Variants in GTF2E2 observed in about 807,000 individuals in gnomAD.
GTF2E2 encodes general transcription factor IIE subunit 2.
A neutral mutation model predicts 40.5 loss-of-function variants in GTF2E2; 21 were observed. The observed-to-expected ratio is 0.52, with a 90% confidence interval of 0.37 to 0.75. The LOEUF (loss-of-function observed/expected upper bound fraction) is 0.75, where lower values mean the gene tolerates loss of function less well. Among genes scored for constraint, GTF2E2 ranks in the 30% least tolerant of loss-of-function variants. GTF2E2 has a pLI of 0.00. For synonymous variants in GTF2E2, 117 were observed against 121.6 expected (o/e 0.96, Z 0.25); for missense variants, 298 against 338.4 (o/e 0.88, Z 0.94).
chr8:30,592,786 G>GATGC (rs1277541792), intron 6 of GTF2E2, among the ~76,000 whole-genome samples: 1 of 152,208 alleles, frequency 6.6e-6, no homozygotes, highest in East Asian at 1.9e-4. Context: ...TGAATCCACA[G>GATGC]ATGCAGAACC....
intron 3 of GTF2E2, among the ~76,000 whole-genome samples, chr8:30,617,209 C>T (rs908202718): frequency 6.6e-6 from 1 of 152,158 alleles, no homozygotes; most frequent in African/African-American, 2.4e-5. Context: ...AACTAAATAG[C>T]CACTTCGCCA....
chr8:30,595,828 AAAAAG>A (rs1828985558), intron 6 of GTF2E2, among the ~76,000 whole-genome samples: 1 of 152,302 alleles, frequency 6.6e-6, no homozygotes, highest in Non-Finnish European at 1.5e-5. Flanking sequence ...TCAGACAAGA[AAAAAG>A]AAAAGAAAGG....
chr8:30,653,742 T>G, intron 1 of GTF2E2, 140 bp from the exon 2 acceptor site: 1 of 627,554 alleles, frequency 1.6e-6, no homozygotes, highest in Middle Eastern at 3.6e-4. Flanking sequence ...TTTATTCACT[T>G]ATTCAAGTAC....
chr8:30,628,697 C>T (rs186354668), intron 3 of GTF2E2, among the ~76,000 whole-genome samples: 13 of 151,872 alleles, frequency 8.6e-5, no homozygotes, highest in Non-Finnish European at 1.9e-4. Flanking sequence ...TTTGAGAGGC[C>T]GAGGCAGGCA....
At chr8:30,618,269 C>CCTGAGCAACAGA (rs3837155) in intron 3 of GTF2E2, among the ~76,000 whole-genome samples, 2 of 145,834 alleles carry the variant, frequency 1.4e-5, no homozygotes, top group Non-Finnish European at 3.0e-5. Flanking sequence ...TGCACTCCAG[C>CCTGAGCAACAGA]GCAACACTCT....
In GTF2E2 at chr8:30,583,906, C is replaced by T. The variant is rs183750209; in HGVS notation, c.644-3510G>A. ...CTGCAAGCTCCACCTCCCGGGTTCA[C>T]GCCATTCTCCTGTCTCAGCCTCCCG... On this transcript the variant is annotated intron_variant, in intron 6 of 7. Coordinates refer to ENST00000355904, the MANE Select transcript of GTF2E2 (RefSeq NM_002095.6). 3.6e-4 allele frequency among the ~76,000 whole-genome samples: 55 copies of T among 151,898 alleles called. No homozygotes were observed. The East Asian group carries it at 9.1e-3, about 25-fold the overall frequency.
intron 3 of GTF2E2, among the ~76,000 whole-genome samples, chr8:30,631,775 T>A (rs1801443550): frequency 1.3e-5 from 2 of 152,126 alleles, no homozygotes; most frequent in Admixed American, 1.3e-4. Context: ...AGATCAGAGA[T>A]CAGAAGATGC....
intron 5 of GTF2E2, among the ~76,000 whole-genome samples, chr8:30,609,454 C>T (rs1829422485): frequency 6.6e-6 from 1 of 151,778 alleles, no homozygotes; most frequent in Non-Finnish European, 1.5e-5. Context: ...ATTGTACATA[C>T]ATAAAATAAA....
intron 2 of GTF2E2, among the ~76,000 whole-genome samples, chr8:30,640,794 G>A (rs775738420): frequency 2.6e-4 from 39 of 152,054 alleles, no homozygotes; most frequent in Non-Finnish European, 4.0e-4. Flanking sequence ...AACCTCTGCC[G>A]CCCAGGTTCA....
chr8:30,653,103 GA>G (rs1802338074), intron 2 of GTF2E2, among the ~76,000 whole-genome samples: 1 of 152,158 alleles, frequency 6.6e-6, no homozygotes, highest in Admixed American at 6.5e-5. Context: ...GGGGGTGATG[GA>G]AATGTTCTAA....
At position 30,650,217 on chromosome 8, in the gene GTF2E2, T is replaced by C. The variant is rs568465217; in HGVS notation, c.166+3216A>G. On this transcript the variant is annotated intron_variant, in intron 2 of 7. Transcript: ENST00000355904. ...CCAGCAAATTGAGTACCACAACAAA[T>C]AAAAATGATTATACACCATAACCAA... Among the ~76,000 whole-genome samples the C allele has an allele frequency of 5.9e-5, 9 of 152,138 alleles. No homozygotes were observed. In the East Asian group the frequency reaches 1.7e-3, roughly 29 times the overall value.
In GTF2E2 at chr8:30,578,525, C is replaced by T; in HGVS notation, c.*396G>A. The T allele has an allele frequency of 6.2e-6, 1 of 160,362 alleles. No individual in the cohort carries two copies. Among genetic ancestry groups the T allele is most frequent in the South Asian group, 1.8e-4 (1 of 5,644 alleles). 9.9% of individuals were successfully genotyped at this position (160,362 alleles called of 1,614,324 possible). On this transcript the variant is annotated 3_prime_UTR_variant, in exon 8 of 8. Transcript: ENST00000355904. Reference sequence around the variant, plus strand: ...AGAATTCACTAACATCTTAAAAATCCTTCTACAGTGATTTTATTATAAATA... The same window carrying T: ...AGAATTCACTAACATCTTAAAAATCTTTCTACAGTGATTTTATTATAAATA...
At chr8:30,632,366 A>G (rs1421897532) in intron 3 of GTF2E2, among the ~76,000 whole-genome samples, 4 of 152,176 alleles carry the variant, frequency 2.6e-5, no homozygotes, top group East Asian at 3.8e-4. Context: ...CTGGTAATCT[A>G]TTTATTTGAA....
chr8:30,628,582 T>C (rs150020354), intron 3 of GTF2E2, among the ~76,000 whole-genome samples: 37 of 152,348 alleles, frequency 2.4e-4, no homozygotes, highest in African/African-American at 7.9e-4. Flanking sequence ...CTCTATTGCA[T>C]TGAGGAACTT....
chr8:30,607,989 AAG>A (rs961431336), intron 5 of GTF2E2, among the ~76,000 whole-genome samples: 1 of 152,230 alleles, frequency 6.6e-6, no homozygotes, highest in Non-Finnish European at 1.5e-5. Flanking sequence ...ACTCCTTTTC[AAG>A]AGATATAAAA....
chr8:30,654,418 TAAGA>T (rs1802391196), intron 1 of GTF2E2, among the ~76,000 whole-genome samples: 1 of 152,152 alleles, frequency 6.6e-6, no homozygotes, highest in Non-Finnish European at 1.5e-5. Context: ...AAAAAAAAAT[TAAGA>T]GACAGTGTCT....
At chr8:30,632,161 G>A (rs1298993822) in intron 3 of GTF2E2, among the ~76,000 whole-genome samples, 1 of 152,108 alleles carries the variant, frequency 6.6e-6, no homozygotes, top group East Asian at 1.9e-4. Flanking sequence ...CATATCCCTT[G>A]CTTCATATTT....
chr8:30,616,998 G>A (rs996993746), intron 3 of GTF2E2, among the ~76,000 whole-genome samples: 2 of 152,080 alleles, frequency 1.3e-5, no homozygotes, highest in African/African-American at 2.4e-5. Context: ...AAGCACAAGA[G>A]GGGAGAAAAT....
intron 6 of GTF2E2, among the ~76,000 whole-genome samples, chr8:30,598,199 T>A (rs1039047192): frequency 1.3e-5 from 2 of 152,234 alleles, no homozygotes; most frequent in African/African-American, 4.8e-5. Flanking sequence ...ACTCACTGGT[T>A]AATTTCATTC....
Sources: gnomAD v4.1 joint callset for allele counts (sites outside exome capture counted in the v4.1 genomes callset) on GRCh38, gnomAD v4.1.1 for gene constraint, MANE v1.5 for transcripts, NCBI Gene and HGNC (gene_info 2026-07-23, HGNC 2026-07-21) for gene names.